SLC16A3: variants seen among roughly 807,000 people sequenced by gnomAD.
SLC16A3 encodes the protein solute carrier family 16 member 3.
Under a neutral mutation model 25.0 loss-of-function variants are expected in SLC16A3, and 22 were observed. The ratio of observed to expected loss-of-function variants is 0.88; its 90% CI spans 0.63 to 1.26. SLC16A3 has a LOEUF of 1.26. Ranked by LOEUF, SLC16A3 falls within the 50% of genes most tolerant of loss-of-function variation. The pLI, the probability that SLC16A3 is intolerant of heterozygous loss-of-function variation, is 0.00. For synonymous variants in SLC16A3, 390 were observed against 309.2 expected, an observed-to-expected ratio of 1.26 and a Z score of -2.74; for missense variants, 731 against 666.6, an observed-to-expected ratio of 1.10 and a Z score of -1.06.
At chr17:82,236,434 C>T (rs1192987667) in intron 2 of SLC16A3, 7 of 636,600 alleles carry the variant, frequency 1.1e-5, no homozygotes, top group Non-Finnish European at 1.9e-5. Context: ...CCATCCTGGC[C>T]CCTGTCCAAA....
At chr17:82,219,498 G>A (rs532197878) in intron 1 of SLC16A3, among the ~76,000 whole-genome samples, 16 of 152,222 alleles carry the variant, frequency 1.1e-4, no homozygotes, top group Admixed American at 3.3e-4. Flanking sequence ...GTAGGGTCTC[G>A]CAGGCCAGAG....
chr17:82,237,058 T>G, intron 3 of SLC16A3, 80 bp from the exon 4 acceptor site: 1 of 1,459,352 alleles, frequency 6.9e-7, no homozygotes, highest in Non-Finnish European at 9.1e-7. Context: ...CCTGAGCCTG[T>G]GGGAACCTGG....
upstream of SLC16A3, among the ~76,000 whole-genome samples, chr17:82,226,753 C>T (rs1212828748): frequency 6.6e-6 from 1 of 152,046 alleles, no homozygotes; most frequent in Admixed American, 6.5e-5. Context: ...CTCATGCTAC[C>T]GGAGTGCCAG....
intron 1 of SLC16A3, among the ~76,000 whole-genome samples, chr17:82,219,114 G>A (rs2147104954): frequency 6.6e-6 from 1 of 152,294 alleles, no homozygotes; most frequent in Non-Finnish European, 1.5e-5. Flanking sequence ...TGTGGGCAGG[G>A]AGGAGAGGAG....
upstream of SLC16A3, among the ~76,000 whole-genome samples, chr17:82,228,017 C>G (rs1167836225): frequency 6.6e-6 from 1 of 152,208 alleles, no homozygotes; most frequent in East Asian, 1.9e-4. Flanking sequence ...CATTGATACC[C>G]CCTGCCTCCT....
intron 1 of SLC16A3, among the ~76,000 whole-genome samples, chr17:82,218,745 C>G (rs1262524101): frequency 6.6e-6 from 1 of 152,170 alleles, no homozygotes; most frequent in Non-Finnish European, 1.5e-5. Flanking sequence ...AGAAGGTACC[C>G]TCCGGCTGTG....
chr17:82,235,842 G>C (rs1272665055), intron 1 of SLC16A3, 141 bp from the exon 2 acceptor site: 2 of 626,820 alleles, frequency 3.2e-6, no homozygotes, highest in Non-Finnish European at 5.6e-6. Flanking sequence ...CCAGACACCA[G>C]GTCAGGGGGC....
rs370718602 is a variant in SLC16A3 at position 82,236,241 on chromosome 17, G to T, written c.223+10G>T. On this transcript the variant is annotated intron_variant, in intron 2 of 4. Coordinates refer to ENST00000582743, the MANE Select transcript of SLC16A3 (RefSeq NM_004207.4). Reference sequence around the variant, plus strand: ...ATGCTCTACGGGACAGGTGAGGGTGGCCTCACACCGGGCCCCCTGTCCGGG... The same window carrying T: ...ATGCTCTACGGGACAGGTGAGGGTGTCCTCACACCGGGCCCCCTGTCCGGG... The T allele has an allele frequency of 6.2e-7, 1 of 1,609,296 alleles. No homozygotes were observed.
chr17:82,227,037 T>C (rs1300212607), upstream of SLC16A3, among the ~76,000 whole-genome samples: 1 of 151,806 alleles, frequency 6.6e-6, no homozygotes, highest in Non-Finnish European at 1.5e-5. Context: ...CCTGCTCCCC[T>C]CCCCTCTGAG....
intron 1 of SLC16A3, among the ~76,000 whole-genome samples, chr17:82,219,432 G>A (rs968810650): frequency 2.6e-5 from 4 of 152,064 alleles, no homozygotes; most frequent in Admixed American, 1.3e-4. Context: ...GGGAAGGTCC[G>A]GTCACCCCCA....
chr17:82,225,860 T>C (rs918257621), upstream of SLC16A3, among the ~76,000 whole-genome samples: 2 of 152,072 alleles, frequency 1.3e-5, no homozygotes, highest in Admixed American at 6.5e-5. Context: ...CGGGGGCCTG[T>C]TCTGCCACCC....
chr17:82,230,549 C>T (rs1443096109), intron 1 of SLC16A3: 2 of 152,812 alleles, frequency 1.3e-5, no homozygotes, highest in East Asian at 3.8e-4. Context: ...CCAGCCCAGC[C>T]GTCAGGCCGG....
rs769752302 is a variant in SLC16A3 at position 82,238,688 on chromosome 17, G to C, written c.1124-14G>C. On this transcript the variant is annotated splice_polypyrimidine_tract_variant and intron_variant, in intron 4 of 4. Coordinates refer to ENST00000582743, the MANE Select transcript of SLC16A3 (RefSeq NM_004207.4). ...CCCGCATGAGCGGCTGGGACTGACG[G>C]GGTCTTCCCGCAGGCAAACTCCTGG... 1.6e-5 allele frequency: 25 copies of C among 1,602,666 alleles called. No homozygotes were observed. Among genetic ancestry groups the C allele is most frequent in the Non-Finnish European group, 2.0e-5 (23 of 1,174,454 alleles).
intron 1 of SLC16A3, chr17:82,229,779 C>T (rs991799367): frequency 1.3e-5 from 2 of 152,274 alleles, no homozygotes; most frequent in African/African-American, 2.4e-5. Flanking sequence ...CCTCAGTTTC[C>T]CTATACGAAA....
Position 82,237,149 on chromosome 17 carries a change from G to A in SLC16A3, c.379G>A (p.Ala127Thr), listed in dbSNP as rs868233860. 2.0e-6 allele frequency: 3 copies of A among 1,507,894 alleles called. No homozygotes were observed. Among genetic ancestry groups the A allele is most frequent in the Non-Finnish European group, 2.7e-6 (3 of 1,126,660 alleles). 93.4% of individuals were successfully genotyped at this position (1,507,894 alleles called of 1,614,324 possible). Residue 127 changes from alanine (A) to threonine (T), a missense_variant, in exon 4 of 5, where the codon GCA (alanine) becomes ACA (threonine). By Grantham distance (58) the Ala-to-Thr change is moderately conservative. Coordinates refer to ENST00000582743, the MANE Select transcript of SLC16A3 (RefSeq NM_004207.4). ...TCCCTTTCCTCCAGGGTTGGGTTTG[G>A]CACTCAACTTCCAGCCCTCGCTCAT... is the stretch of plus-strand genomic sequence containing the variant. ...TTGVITGLGL[A>T]LNFQPSLIML...
intron 2 of SLC16A3, 187 bp downstream of exon 2, chr17:82,236,418 C>G (rs369471530): frequency 1.1e-5 from 7 of 653,054 alleles, no homozygotes; most frequent in Non-Finnish European, 1.8e-5. Flanking sequence ...AGGCAGGGCG[C>G]GAAGTCCATC....
At chr17:82,234,450 T>C (rs913308190) in intron 1 of SLC16A3, 2 of 152,258 alleles carry the variant, frequency 1.3e-5, no homozygotes, top group African/African-American at 4.8e-5. Flanking sequence ...GGGGGTCTGT[T>C]CTGCTCCAGT....
At chr17:82,233,373 T>A (rs1229470446) in intron 1 of SLC16A3, among the ~76,000 whole-genome samples, 1 of 152,122 alleles carries the variant, frequency 6.6e-6, no homozygotes, top group East Asian at 1.9e-4. Flanking sequence ...CACAAGCACC[T>A]CAGGTCTCAG....
intron 1 of SLC16A3, among the ~76,000 whole-genome samples, chr17:82,222,501 A>G (rs1400735113): frequency 6.6e-6 from 1 of 152,250 alleles, no homozygotes; most frequent in Non-Finnish European, 1.5e-5. Context: ...AACATCATTC[A>G]GCCGTAAAAA....
Sources: allele counts gnomAD v4.1 joint callset (sites outside exome capture counted in the v4.1 genomes callset), GRCh38; gene constraint gnomAD v4.1.1; transcripts MANE v1.5; gene names NCBI Gene and HGNC (gene_info 2026-07-23, HGNC 2026-07-21).